The following PROX1 variants were observed in gnomAD, a reference collection of about 807,000 sequenced individuals.
PROX1 encodes prospero homeobox protein 1.
Under a neutral mutation model 58.8 loss-of-function variants are expected in PROX1, and 7 were observed. That is an observed-to-expected ratio of 0.12 (90% CI 0.07 to 0.22). The LOEUF is 0.22. PROX1 is among the 10% of genes least tolerant of loss of function. The pLI, the probability that PROX1 is intolerant of heterozygous loss-of-function variation, is 1.00. For synonymous variants in PROX1, 350 were observed against 358.3 expected (o/e 0.98, Z 0.26); for missense variants, 675 against 927.8 (o/e 0.73, Z 3.54).
intron 1 of PROX1, among the ~76,000 whole-genome samples, chr1:213,995,057 G>A (rs1460466141): frequency 1.3e-5 from 2 of 151,984 alleles, no homozygotes; most frequent in East Asian, 1.9e-4. Context: ...GCACGTAGAT[G>A]TTTTTACAGG....
chr1:214,029,792 G>A (rs2102773184), intron 4 of PROX1: 1 of 152,260 alleles, frequency 6.6e-6, no homozygotes, highest in South Asian at 2.1e-4. Flanking sequence ...TTGTTTCTGG[G>A]TGTGGGGAGA....
intron 1 of PROX1, among the ~76,000 whole-genome samples, chr1:213,990,620 C>T (rs1662993619): frequency 6.8e-6 from 1 of 147,956 alleles, no homozygotes; most frequent in African/African-American, 2.5e-5. Flanking sequence ...TCTCCCAGGT[C>T]TGTGCTTGGC....
chr1:214,004,695 T>A (rs888492533), intron 2 of PROX1, among the ~76,000 whole-genome samples: 9 of 152,348 alleles, frequency 5.9e-5, no homozygotes, highest in Admixed American at 2.6e-4. Context: ...TTCAAAATAA[T>A]GCATTTTATA....
rs1474200386 is a variant in PROX1 at position 213,996,656 on chromosome 1, T to G, written c.121T>G (p.Phe41Val). 3 of 1,614,080 alleles carry G rather than the reference T, an allele frequency of 1.9e-6. No individual in the cohort carries two copies. Among genetic ancestry groups the G allele is most frequent in the Non-Finnish European group, 2.5e-6 (3 of 1,180,016 alleles). Residue 41 changes from phenylalanine to valine, a missense_variant, in exon 2 of 5, where the codon TTT (phenylalanine) becomes GTT (valine). By Grantham distance (50) the Phe-to-Val change is conservative. Around this residue, in one of 8 missense-constraint regions of PROX1, gnomAD observed 157 missense variants for 197.8 expected, o/e 0.79. Transcript: ENST00000366958. The part of the protein sequence containing the change: ...SAFFAKARAT[F>V]FSAMNPQGSE... The stretch of plus-strand genomic sequence containing the variant: ...ATTTTTTGCTAAGGCAAGAGCAACG[T>G]TTTTTAGTGCCATGAATCCCCAAGG...
chr1:214,015,007 C>A (rs894914354), intron 4 of PROX1, among the ~76,000 whole-genome samples: 1 of 152,090 alleles, frequency 6.6e-6, no homozygotes, highest in African/African-American at 2.4e-5. Context: ...TCTCCTAGAC[C>A]CTGCATTTCC....
chr1:213,996,947 C>T lies in PROX1; in HGVS notation c.412C>T (p.Pro138Ser), dbSNP rs770292511. The change falls in exon 2 of 5, where the codon CCA (proline) becomes TCA (serine). Residue 138 changes from proline to serine, a missense_variant. By Grantham distance (74) the Pro-to-Ser change is moderately conservative. Transcript: ENST00000366958. ...ICSNSSRDSP[P>S]ECLSPFGRPT... ...CAGCAACTCTTCAAGAGACAGCCCC[C>T]CAGAGTGTCTTTCCCCTTTTGGCAG... 1.6e-5 allele frequency: 26 copies of T among 1,613,968 alleles called. No homozygotes were observed. Among genetic ancestry groups the T allele is most frequent in the South Asian group, 2.2e-5 (2 of 91,084 alleles).
In PROX1 at chr1:213,997,581, C is replaced by G; in HGVS notation, c.1046C>G (p.Ala349Gly). 6.2e-7 allele frequency: 1 copy of G among 1,614,160 alleles called. No homozygotes were observed. Among genetic ancestry groups the G allele is most frequent in the Non-Finnish European group, 8.5e-7 (1 of 1,180,026 alleles). Residue 349 changes from alanine to glycine, a missense_variant, in exon 2 of 5, where the codon GCT (alanine) becomes GGT (glycine). Ala to Gly is a moderately conservative substitution (Grantham distance 60). Coordinates refer to ENST00000366958, the MANE Select transcript of PROX1 (RefSeq NM_001270616.2). This position sits in a 1 kb window ranked among gnomAD's most constrained non-coding sequence, Gnocchi z 7.1. ...NSLQPEGKHL[A>G]ETLKQELNTA... ...TTACAACCGGAAGGCAAACATTTGG[C>G]TGAGACCTTGAAACAGGAACTGAAC...
intron 4 of PROX1, chr1:214,030,992 GA>G (rs137991074): frequency 1.0e-4 from 15 of 145,980 alleles, no homozygotes; most frequent in African/African-American, 1.5e-4. Flanking sequence ...CATTCCGATG[GA>G]AAAAAAAAAG....
At chr1:214,000,909 T>A (rs1178675929) in intron 2 of PROX1, among the ~76,000 whole-genome samples, 1 of 152,188 alleles carries the variant, frequency 6.6e-6, no homozygotes, top group Non-Finnish European at 1.5e-5. Context: ...ATGTCTTACT[T>A]CAATTTTAGG....
upstream of PROX1, chr1:213,985,746 A>C (rs1361750949): frequency 6.6e-6 from 1 of 152,268 alleles, no homozygotes; most frequent in Non-Finnish European, 1.5e-5. Flanking sequence ...CGCTATGTGC[A>C]ATTGACACAA....
At chr1:214,017,834 T>C (rs1477342448) in intron 4 of PROX1, among the ~76,000 whole-genome samples, 1 of 152,104 alleles carries the variant, frequency 6.6e-6, no homozygotes, top group African/African-American at 2.4e-5. Flanking sequence ...TCATAATTAA[T>C]TGTCCTTCAG....
intron 1 of PROX1, among the ~76,000 whole-genome samples, chr1:213,995,589 T>C (rs752322589): frequency 1.3e-5 from 2 of 152,188 alleles, no homozygotes; most frequent in African/African-American, 2.4e-5. Context: ...GTCCTGAAGA[T>C]ATATTTATCT....
At position 214,036,693 on chromosome 1, in the gene PROX1, G is replaced by A. The variant is rs548838012; in HGVS notation, c.*859G>A. The A allele has an allele frequency of 2.6e-5, 4 of 152,188 alleles. No individual in the cohort carries two copies. Among genetic ancestry groups the A allele is most frequent in the Admixed American group, 6.5e-5 (1 of 15,284 alleles). 9.4% of individuals were successfully genotyped at this position (152,188 alleles called of 1,614,324 possible). On this transcript the variant is annotated 3_prime_UTR_variant, in exon 5 of 5. Coordinates refer to ENST00000366958, the MANE Select transcript of PROX1 (RefSeq NM_001270616.2). The stretch of plus-strand genomic sequence containing the variant: ...AAAAGGCACTAAGTTTCCAATTTAC[G>A]CTGCTCAACTTTGTTTATATGCTTA...
intron 3 of PROX1, among the ~76,000 whole-genome samples, chr1:214,009,819 T>C (rs1400735533): frequency 1.3e-5 from 2 of 152,178 alleles, no homozygotes; most frequent in African/African-American, 4.8e-5. Context: ...CTAATCTCCA[T>C]GTCAAAGCAA....
chr1:214,010,506 C>T (rs1341911901), intron 3 of PROX1, among the ~76,000 whole-genome samples: 1 of 152,038 alleles, frequency 6.6e-6, no homozygotes, highest in Non-Finnish European at 1.5e-5. Context: ...TTTCTGGGGG[C>T]CCAGGGAAGG....
At chr1:214,014,480 T>A (rs1347155121) in intron 4 of PROX1, among the ~76,000 whole-genome samples, 1 of 152,214 alleles carries the variant, frequency 6.6e-6, no homozygotes, top group Non-Finnish European at 1.5e-5. Flanking sequence ...ATAAAATGTC[T>A]TATTGATTGT....
intron 4 of PROX1, among the ~76,000 whole-genome samples, chr1:214,025,869 G>A (rs1664437223): frequency 6.6e-6 from 1 of 151,944 alleles, no homozygotes; most frequent in Non-Finnish European, 1.5e-5. Flanking sequence ...TCACCATCTT[G>A]GCCAGGTTGG....
At chr1:213,992,085 C>T (rs1199192627) in intron 1 of PROX1, among the ~76,000 whole-genome samples, 6 of 152,060 alleles carry the variant, frequency 3.9e-5, no homozygotes, top group Non-Finnish European at 4.4e-5. Flanking sequence ...TCTTATTTAC[C>T]TATCTGATAA....
intron 4 of PROX1, among the ~76,000 whole-genome samples, chr1:214,013,590 C>T (rs1663993720): frequency 6.6e-6 from 1 of 152,132 alleles, no homozygotes; most frequent in Admixed American, 6.5e-5. Context: ...TTGCTTAAAC[C>T]TTACCTGGTT....
Sources: allele counts gnomAD v4.1 joint callset (sites outside exome capture counted in the v4.1 genomes callset), GRCh38; gene constraint gnomAD v4.1.1; regional missense constraint gnomAD v4.1.1; non-coding constraint Gnocchi (gnomAD v3.1); transcripts MANE v1.5; gene names NCBI Gene and HGNC (gene_info 2026-07-23, HGNC 2026-07-21).